ADGRV1: variants seen among roughly 807,000 people sequenced by gnomAD.
ADGRV1 encodes adhesion G protein-coupled receptor V1, also known as G-protein coupled receptor 98.
ADGRV1 carries 359 observed loss-of-function variants against 596.2 expected under a neutral mutation model. The ratio of observed to expected loss-of-function variants is 0.60; its 90% CI spans 0.55 to 0.66. The LOEUF (loss-of-function observed/expected upper bound fraction) is 0.66. Among genes scored for constraint, ADGRV1 ranks in the 30% least tolerant of loss-of-function variants. ADGRV1 has a pLI of 0.00. For synonymous variants in ADGRV1, 2,681 were observed against 2,679.2 expected, an observed-to-expected ratio of 1.00 and a Z score of -0.02; for missense variants, 7,274 against 7,575.6, an observed-to-expected ratio of 0.96 and a Z score of 1.48.
chr5:91,015,366 G>A (rs1206911389), intron 85 of ADGRV1, among the ~76,000 whole-genome samples: 3 of 152,014 alleles, frequency 2.0e-5, no homozygotes, highest in African/African-American at 7.2e-5. Context: ...GTTGTTTTTG[G>A]GTGGAGAGTT....
intron 23 of ADGRV1, 156 bp downstream of exon 23, chr5:90,674,390 A>G: frequency 2.3e-6 from 1 of 444,432 alleles, no homozygotes; most frequent in East Asian, 3.4e-5. Flanking sequence ...CTGTTTTGAG[A>G]GACATTGTTT....
chr5:90,708,985 T>A, intron 39 of ADGRV1, 76 bp downstream of exon 39: 1 of 961,426 alleles, frequency 1.0e-6, no homozygotes, highest in Non-Finnish European at 1.7e-6. Context: ...GAATCAGAAG[T>A]GATCATTGTG....
chr5:90,782,436 G>A (rs1294075242), intron 65 of ADGRV1, among the ~76,000 whole-genome samples: 1 of 151,864 alleles, frequency 6.6e-6, no homozygotes, highest in Non-Finnish European at 1.5e-5. Flanking sequence ...TTATCTTTGG[G>A]AATTTTGGTC....
chr5:90,938,499 AGAC>A (rs1284064089), intron 83 of ADGRV1, among the ~76,000 whole-genome samples: 2 of 152,224 alleles, frequency 1.3e-5, no homozygotes, highest in African/African-American at 4.8e-5. Flanking sequence ...TATTACTTAA[AGAC>A]TTCCCCAGTG....
In ADGRV1 at chr5:90,813,132, CAAAAAAA is replaced by C. The variant is rs5869522; in HGVS notation, c.16078+1820_16078+1826del. Among the ~76,000 whole-genome samples, 236 of 34,874 alleles carry C rather than the reference CAAAAAAA, an allele frequency of 6.8e-3. 12 individuals are homozygous for C. Among genetic ancestry groups the C allele is most frequent in the Non-Finnish European group, 9.7e-3 (178 of 18,352 alleles). 22.9% of individuals were successfully genotyped at this position (34,874 alleles called of 152,430 possible). On this transcript the variant is annotated intron_variant, in intron 74 of 89. Transcript: ENST00000405460. ...TGGGCGACAGAGTAAGACTCCGTCT[CAAAAAAA>C]AAAAAAAAAAAAAAAAAAAAAAAAA...
chr5:91,146,140 C>T (rs1795516380), intron 87 of ADGRV1, among the ~76,000 whole-genome samples: 1 of 152,102 alleles, frequency 6.6e-6, no homozygotes, highest in Non-Finnish European at 1.5e-5. Flanking sequence ...GAGCTGAATG[C>T]CTTGCTTTTA....
chr5:90,755,287 A>T (rs1755717235), intron 55 of ADGRV1, 102 bp downstream of exon 55: 2 of 721,196 alleles, frequency 2.8e-6, no homozygotes, highest in African/African-American at 3.6e-5. Flanking sequence ...TAATAAAAGG[A>T]TTCTTTTAAA....
At chr5:90,871,267 A>C (rs570662137) in intron 83 of ADGRV1, among the ~76,000 whole-genome samples, 12 of 152,210 alleles carry the variant, frequency 7.9e-5, no homozygotes, top group East Asian at 3.9e-4. Flanking sequence ...TGAATTCCCC[A>C]AAAAAATATT....
At chr5:91,003,536 C>G (rs555217625) in intron 85 of ADGRV1, among the ~76,000 whole-genome samples, 40 of 152,216 alleles carry the variant, frequency 2.6e-4, no homozygotes, top group African/African-American at 8.7e-4. Flanking sequence ...CTGTTCAGTT[C>G]TAGAAATAGA....
chr5:90,885,002 C>T (rs2150557971), intron 83 of ADGRV1, among the ~76,000 whole-genome samples: 1 of 152,230 alleles, frequency 6.6e-6, no homozygotes, highest in East Asian at 1.9e-4. Context: ...GGCCCACAAT[C>T]GTGGTATGTA....
chr5:91,150,116 G>T lies in ADGRV1; in HGVS notation c.18519G>T (p.Gly6173=), dbSNP rs752223599. Residue 6173 remains glycine (G), a synonymous_variant, in exon 88 of 90, where the codon GGG becomes GGT. Transcript: ENST00000405460. ...MKASYTVEMN[G]HPGPSTAFFT... ...CCAGTTACACTGTGGAAATGAATGG[G>T]CATCCTGGACCCAGCACAGCCTTTT... The T allele has an allele frequency of 2.2e-5, 35 of 1,582,630 alleles. No homozygotes were observed. The highest frequency in any genetic ancestry group is 2.7e-5 in the Non-Finnish European group (32 of 1,164,254).
At chr5:90,913,381 A>G (rs1458441336) in intron 83 of ADGRV1, among the ~76,000 whole-genome samples, 1 of 152,308 alleles carries the variant, frequency 6.6e-6, no homozygotes, top group African/African-American at 2.4e-5. Flanking sequence ...TTATCCTGTT[A>G]TATCAATATT....
In ADGRV1 at chr5:90,569,922, T is replaced by C. The variant is rs575370720; in HGVS notation, c.22+11005T>C. On this transcript the variant is annotated intron_variant, in intron 1 of 89. Coordinates refer to ENST00000405460, the MANE Select transcript of ADGRV1 (RefSeq NM_032119.4). Reference sequence around the variant, plus strand: ...TACAGTATATACTCTTTAGCACAAATCTATTATTATTGCTTTATGTAGTTG... The same window carrying C: ...TACAGTATATACTCTTTAGCACAAACCTATTATTATTGCTTTATGTAGTTG... 3.9e-5 allele frequency among the ~76,000 whole-genome samples: 6 copies of C among 152,120 alleles called. No homozygotes were observed. In the South Asian group the frequency reaches 1.0e-3, roughly 26 times the overall value.
intron 59 of ADGRV1, among the ~76,000 whole-genome samples, chr5:90,764,079 G>A (rs1336801278): frequency 6.6e-6 from 1 of 152,162 alleles, no homozygotes; most frequent in African/African-American, 2.4e-5. Flanking sequence ...GGTCTCTTGG[G>A]GAGTGATAAG....
At chr5:91,059,511 G>A (rs1787207042) in intron 85 of ADGRV1, among the ~76,000 whole-genome samples, 2 of 152,264 alleles carry the variant, frequency 1.3e-5, no homozygotes, top group South Asian at 4.1e-4. Context: ...TCATAAAGGA[G>A]CTCTCTTGAC....
At chr5:91,111,240 T>G (rs1792342911) in intron 87 of ADGRV1, among the ~76,000 whole-genome samples, 1 of 152,206 alleles carries the variant, frequency 6.6e-6, no homozygotes, top group African/African-American at 2.4e-5. Flanking sequence ...GCTCTCTTAC[T>G]CTCCACCCCA....
Position 90,696,939 on chromosome 5 carries a change from G to A in ADGRV1, c.7948G>A (p.Glu2650Lys), listed in dbSNP as rs765616824. ...TTATTCCATTGATGTTTTTATAGGTGAAACCAAAAAGACAGTCATTTTAAC... is the reference window on the plus strand; with the variant it reads ...TTATTCCATTGATGTTTTTATAGGTAAAACCAAAAAGACAGTCATTTTAAC... ...AGEILTFAEG[E>K]TKKTVILTIL... The change falls in exon 34 of 90, where the codon GAA (glutamate) becomes AAA (lysine). Residue 2650 changes from glutamate (E) to lysine (K), a missense_variant and splice_region_variant. Glu to Lys is a moderately conservative substitution (Grantham distance 56). This residue lies in a region of ADGRV1 where 3,643 missense variants were observed against 3,809.2 expected (regional missense o/e 0.96). Transcript: ENST00000405460. 1.2e-6 allele frequency: 2 copies of A among 1,607,856 alleles called. No individual in the cohort carries two copies. The highest frequency in any genetic ancestry group is 8.5e-7 in the Non-Finnish European group (1 of 1,175,968).
In ADGRV1 at chr5:90,676,183, T is replaced by A. The variant is rs1368420926; in HGVS notation, c.5417T>A (p.Val1806Asp). 1 of 1,606,378 alleles carries A rather than the reference T, an allele frequency of 6.2e-7. No individual in the cohort carries two copies. Among genetic ancestry groups the A allele is most frequent in the East Asian group, 2.3e-5 (1 of 44,348 alleles). The change falls in exon 25 of 90, where the codon GTT becomes GAT. Residue 1806 changes from valine (V) to aspartate (D), a missense_variant. Val to Asp is a radical substitution (Grantham distance 152, BLOSUM62 -3). Coordinates refer to ENST00000405460, the MANE Select transcript of ADGRV1 (RefSeq NM_032119.4). ...CCTGAACTGGAAAAATCTTTTAAAG[T>A]TGAGTTGTTAAACTTGGAAGGAGGA... ...SIPELEKSFK[V>D]ELLNLEGGVA...
intron 70 of ADGRV1, among the ~76,000 whole-genome samples, chr5:90,794,562 G>C (rs944234422): frequency 6.6e-6 from 1 of 152,158 alleles, no homozygotes; most frequent in African/African-American, 2.4e-5. Flanking sequence ...TCCCTGTCTA[G>C]TGTATGAACA....
Sources: gnomAD v4.1 joint callset for allele counts (sites outside exome capture counted in the v4.1 genomes callset) on GRCh38, gnomAD v4.1.1 for gene constraint, gnomAD v4.1.1 regional missense constraint, MANE v1.5 for transcripts, NCBI Gene and HGNC (gene_info 2026-07-23, HGNC 2026-07-21) for gene names.